Variants in PTPRO observed in about 807,000 individuals in gnomAD.
The protein encoded by PTPRO is protein tyrosine phosphatase receptor type O.
PTPRO carries 62 observed loss-of-function variants against 145.2 expected under a neutral mutation model. The ratio of observed to expected loss-of-function variants is 0.43; its 90% CI spans 0.35 to 0.53. The LOEUF (loss-of-function observed/expected upper bound fraction) is 0.53, where lower values mean the gene tolerates loss of function less well. Ranked by LOEUF, PTPRO falls within the 20% of genes least tolerant of loss-of-function variation. The pLI, the probability that PTPRO is intolerant of heterozygous loss-of-function variation, is 0.01. For missense variants in PTPRO, 1,345 were observed against 1,482.7 expected (o/e 0.91, Z 1.53); for synonymous variants, 565 against 514.7 (o/e 1.10, Z -1.32).
chr12:15,485,470 T>C (rs1400382314), intron 2 of PTPRO, among the ~76,000 whole-genome samples: 1 of 152,176 alleles, frequency 6.6e-6, no homozygotes, highest in African/African-American at 2.4e-5. Context: ...AAGCTCTGTC[T>C]TACTTATCTT....
chr12:15,591,303 G>A (rs976291923), intron 25 of PTPRO, among the ~76,000 whole-genome samples: 3 of 151,716 alleles, frequency 2.0e-5, no homozygotes, highest in Non-Finnish European at 4.4e-5. Flanking sequence ...CCCAGGAGAC[G>A]GAGGTTGCAA....
intron 12 of PTPRO, among the ~76,000 whole-genome samples, chr12:15,543,982 T>A (rs1199044600): frequency 6.6e-6 from 1 of 152,096 alleles, no homozygotes; most frequent in Non-Finnish European, 1.5e-5. Flanking sequence ...ATGCAGCCAG[T>A]TTAAGCAGGA....
At chr12:15,401,216 C>T (rs1379585101) in intron 1 of PTPRO, among the ~76,000 whole-genome samples, 1 of 152,130 alleles carries the variant, frequency 6.6e-6, no homozygotes, top group East Asian at 1.9e-4. Context: ...AAATGACTCC[C>T]CAGGGTTTTA....
chr12:15,548,714 A>G (rs1943369296), intron 13 of PTPRO, among the ~76,000 whole-genome samples: 1 of 152,172 alleles, frequency 6.6e-6, no homozygotes, highest in South Asian at 2.1e-4. Flanking sequence ...CCAGCTCTTA[A>G]AAAGAATAAA....
In PTPRO at chr12:15,520,276, A is replaced by G. The variant is rs2136513913; in HGVS notation, c.1855A>G (p.Ser619Gly). The G allele has an allele frequency of 1.2e-6, 2 of 1,613,744 alleles. No individual in the cohort carries two copies. The highest frequency in any genetic ancestry group is 1.7e-4 in the Middle Eastern group (1 of 5,992). Residue 619 changes from serine (S) to glycine (G), a missense_variant, in exon 10 of 27, where the codon AGC becomes GGC. This residue lies in a region of PTPRO where 1,130 missense variants were observed against 1,214.7 expected (regional missense o/e 0.93). Transcript: ENST00000281171. ...GGTGACGTGGGGAGATCCAGAATTGAGCTGCTGTGACAGCTCTACCATCAG... is the reference window on the plus strand; with the variant it reads ...GGTGACGTGGGGAGATCCAGAATTGGGCTGCTGTGACAGCTCTACCATCAG... Reference protein sequence around the residue: ...TMVTWGDPELSCCDSSTISFI... With the variant: ...TMVTWGDPELGCCDSSTISFI...
intron 1 of PTPRO, among the ~76,000 whole-genome samples, chr12:15,431,617 T>G (rs1410261128): frequency 1.3e-5 from 2 of 152,172 alleles, no homozygotes; most frequent in African/African-American, 4.8e-5. Context: ...AAATTATGAA[T>G]GCAATTTTCA....
rs548229804 is a variant in PTPRO, at chr12:15,597,855, A to G, written c.*1782A>G. On this transcript the variant is annotated 3_prime_UTR_variant, in exon 27 of 27. Coordinates refer to ENST00000281171, the MANE Select transcript of PTPRO (RefSeq NM_030667.3). Reference sequence around the variant, plus strand: ...TGTCGCACCATTCTCAGGAACAAACATGGTTAATGAAAGGTGGCAAAGGGA... The same window carrying G: ...TGTCGCACCATTCTCAGGAACAAACGTGGTTAATGAAAGGTGGCAAAGGGA... Among the ~76,000 whole-genome samples the G allele has an allele frequency of 2.0e-4, 31 of 152,290 alleles. No homozygotes were observed. Among genetic ancestry groups the G allele is most frequent in the African/African-American group, 7.2e-4 (30 of 41,566 alleles).
At chr12:15,508,009 G>A (rs1942358107) in intron 6 of PTPRO, among the ~76,000 whole-genome samples, 1 of 152,192 alleles carries the variant, frequency 6.6e-6, no homozygotes, top group Non-Finnish European at 1.5e-5. Context: ...TTTATGGTAA[G>A]GATCCTGTTG....
intron 2 of PTPRO, among the ~76,000 whole-genome samples, chr12:15,496,533 A>T (rs1365220236): frequency 1.3e-5 from 2 of 152,184 alleles, no homozygotes; most frequent in Non-Finnish European, 2.9e-5. Context: ...AGAATTTTGC[A>T]GGAGAGTGGG....
At chr12:15,401,888 C>T (rs1251328007) in intron 1 of PTPRO, among the ~76,000 whole-genome samples, 1 of 152,166 alleles carries the variant, frequency 6.6e-6, no homozygotes, top group Admixed American at 6.5e-5. Flanking sequence ...TGCATCTCAT[C>T]ATTTCATTGA....
chr12:15,461,716 C>A (rs919294701), intron 1 of PTPRO, among the ~76,000 whole-genome samples: 1 of 151,610 alleles, frequency 6.6e-6, no homozygotes, highest in African/African-American at 2.4e-5. Context: ...TACAGGTGTG[C>A]GCCACCACAT....
At chr12:15,493,594 T>G (rs549779254) in intron 2 of PTPRO, among the ~76,000 whole-genome samples, 15 of 152,152 alleles carry the variant, frequency 9.9e-5, no homozygotes, top group Non-Finnish European at 1.0e-4. Context: ...AACAAAGAGA[T>G]AACATTTCAC....
chr12:15,411,761 GGT>G (rs1184206386), intron 1 of PTPRO, among the ~76,000 whole-genome samples: 6 of 152,166 alleles, frequency 3.9e-5, no homozygotes, highest in Non-Finnish European at 7.3e-5. Context: ...CTTAGAAAGT[GGT>G]GTCATGTTAT....
intron 20 of PTPRO, among the ~76,000 whole-genome samples, chr12:15,579,312 C>A (rs1189197917): frequency 1.3e-5 from 2 of 152,154 alleles, no homozygotes; most frequent in Non-Finnish European, 2.9e-5. Flanking sequence ...TATTAAAATG[C>A]CTTCTCTAAC....
chr12:15,436,881 C>G (rs1175609464), intron 1 of PTPRO, among the ~76,000 whole-genome samples: 3 of 152,170 alleles, frequency 2.0e-5, no homozygotes, highest in African/African-American at 4.8e-5. Flanking sequence ...AGGAGGAGAG[C>G]TGCTACAGTT....
At chr12:15,370,720 C>G (rs1319573271) in intron 1 of PTPRO, among the ~76,000 whole-genome samples, 1 of 151,960 alleles carries the variant, frequency 6.6e-6, no homozygotes, top group East Asian at 1.9e-4. Flanking sequence ...TGTTAAAAAT[C>G]AAAAGCCTTG....
In PTPRO at chr12:15,414,434, G is replaced by A. The variant is rs538683326; in HGVS notation, c.76-69540G>A. ...ATGTTTATTAGTCAATCAGAATCTA[G>A]CTAGGTGCAGTGGCACTAAACGTCT... On this transcript the variant is annotated intron_variant, in intron 1 of 26. Transcript: ENST00000281171. Among the ~76,000 whole-genome samples the A allele has an allele frequency of 3.3e-5, 5 of 152,234 alleles. No homozygotes were observed. The East Asian group carries it at 9.6e-4, about 29-fold the overall frequency.
At chr12:15,361,438 C>CA (rs71042244) in intron 1 of PTPRO, among the ~76,000 whole-genome samples, 2,197 of 70,458 alleles carry the variant, frequency 0.031, 49 homozygotes, top group Non-Finnish European at 0.034. Context: ...GACTCAGTCT[C>CA]AAAAAAAAAA....
chr12:15,346,168 T>C (rs1591722927), intron 1 of PTPRO, among the ~76,000 whole-genome samples: 1 of 152,338 alleles, frequency 6.6e-6, no homozygotes, highest in East Asian at 1.9e-4. Context: ...AAACTGCTTA[T>C]ATCTTCACCC....
Sources: gnomAD v4.1 joint callset for allele counts (sites outside exome capture counted in the v4.1 genomes callset) on GRCh38, gnomAD v4.1.1 for gene constraint, gnomAD v4.1.1 regional missense constraint, MANE v1.5 for transcripts, NCBI Gene and HGNC (gene_info 2026-07-23, HGNC 2026-07-21) for gene names.